The following GLIS1 variants were observed in gnomAD, a reference collection of about 807,000 sequenced individuals.
The protein encoded by GLIS1 is zinc finger protein GLIS1.
A neutral mutation model predicts 63.8 loss-of-function variants in GLIS1; 24 were observed. The ratio of observed to expected loss-of-function variants is 0.38; its 90% CI spans 0.27 to 0.53. GLIS1 has a LOEUF of 0.53. Among genes scored for constraint, GLIS1 ranks in the 20% least tolerant of loss-of-function variants. The pLI is 0.85. For missense variants in GLIS1, 1,036 were observed against 1,074.1 expected, an observed-to-expected ratio of 0.96 and a Z score of 0.50; for synonymous variants, 450 against 482.5, an observed-to-expected ratio of 0.93 and a Z score of 0.88.
At chr1:53,604,062 A>G (rs1339414830) in intron 2 of GLIS1, among the ~76,000 whole-genome samples, 3 of 152,240 alleles carry the variant, frequency 2.0e-5, no homozygotes, top group African/African-American at 7.2e-5. Flanking sequence ...CACCTAACCC[A>G]CAACGTTGAG....
intron 2 of GLIS1, among the ~76,000 whole-genome samples, chr1:53,725,141 G>C (rs1450739508): frequency 2.0e-5 from 3 of 152,170 alleles, no homozygotes; most frequent in African/African-American, 7.2e-5. Context: ...GAGGAAAGTT[G>C]TTGGCCTGTA....
Position 53,520,714 on chromosome 1 carries a change from A to G in GLIS1, c.1646T>C (p.Leu549Pro), listed in dbSNP as rs1173465660. Residue 549 changes from leucine to proline, a missense_variant, in exon 7 of 11, where the codon CTG becomes CCG. By Grantham distance (98) the Leu-to-Pro change is moderately conservative. This residue lies in a region of GLIS1 where 400 missense variants were observed against 400.9 expected (regional missense o/e 1.00). Coordinates refer to ENST00000628545, the MANE Select transcript of GLIS1 (RefSeq NM_001367484.1). Reference protein sequence around the residue: ...EADVLTECLVLQQLHTSTQLA... With the variant: ...EADVLTECLVPQQLHTSTQLA... The stretch of plus-strand genomic sequence containing the variant: ...CTGTGTGGACGTGTGGAGCTGCTGC[A>G]GGACCAGACACTCGGTCAGGACGTC... The G allele has an allele frequency of 6.2e-7, 1 of 1,606,666 alleles. No homozygotes were observed. The highest frequency in any genetic ancestry group is 1.7e-5 in the Admixed American group (1 of 59,250).
chr1:53,609,866 C>T (rs1379051899), intron 2 of GLIS1, among the ~76,000 whole-genome samples: 3 of 152,104 alleles, frequency 2.0e-5, no homozygotes, highest in Non-Finnish European at 4.4e-5. Context: ...TCTGGTATAG[C>T]CTATTGCTCC....
At chr1:53,673,558 G>A (rs922212488) in intron 2 of GLIS1, among the ~76,000 whole-genome samples, 9 of 152,122 alleles carry the variant, frequency 5.9e-5, no homozygotes, top group Admixed American at 3.3e-4. Flanking sequence ...ACTACTCCCC[G>A]AGCTTCTCAT....
At chr1:53,586,703 G>C (rs933241570) in intron 4 of GLIS1, among the ~76,000 whole-genome samples, 7 of 152,182 alleles carry the variant, frequency 4.6e-5, no homozygotes, top group African/African-American at 1.7e-4. Flanking sequence ...TCAAATTCAG[G>C]CTTTCTTGCA....
At chr1:53,619,833 C>G (rs1369390694) in intron 2 of GLIS1, among the ~76,000 whole-genome samples, 2 of 152,198 alleles carry the variant, frequency 1.3e-5, no homozygotes, top group Non-Finnish European at 2.9e-5. Context: ...AAGAGGGAGA[C>G]TGAGGCCCAG....
intron 2 of GLIS1, among the ~76,000 whole-genome samples, chr1:53,697,039 C>A (rs192242171): frequency 0.015 from 2,357 of 152,300 alleles, 59 homozygotes; most frequent in African/African-American, 0.05. Flanking sequence ...TCCATATTCA[C>A]TGGGTGGATT....
intron 2 of GLIS1, among the ~76,000 whole-genome samples, chr1:53,688,268 G>T (rs1646363528): frequency 6.6e-6 from 1 of 152,250 alleles, no homozygotes; most frequent in Non-Finnish European, 1.5e-5. Flanking sequence ...GGCTCATGGG[G>T]GATAAATCCG....
chr1:53,546,479 G>A (rs779464076), intron 4 of GLIS1, among the ~76,000 whole-genome samples: 5 of 152,218 alleles, frequency 3.3e-5, no homozygotes, highest in African/African-American at 4.8e-5. Context: ...CTGCTTACTC[G>A]CCTGTGTCCT....
chr1:53,520,655 G>C lies in GLIS1; in HGVS notation c.1705C>G (p.Leu569Val). ...GTACCTGGGAGCAGCTCCTGGCCCA[G>C]GCCACAGCCACCCTTGCCGTCGCTG... ...AASDGKGGCG[L>V]GQELLPGVYP... The change falls in exon 7 of 11, where the codon CTG (leucine) becomes GTG (valine). Residue 569 changes from leucine (L) to valine (V), a missense_variant. Physicochemically the swap from Leu to Val is conservative, Grantham distance 32. This residue lies in a region of GLIS1 where 400 missense variants were observed against 400.9 expected (regional missense o/e 1.00). Coordinates refer to ENST00000628545, the MANE Select transcript of GLIS1 (RefSeq NM_001367484.1). 1 of 1,610,674 alleles carries C rather than the reference G, an allele frequency of 6.2e-7. No homozygotes were observed. Among genetic ancestry groups the C allele is most frequent in the Non-Finnish European group, 8.5e-7 (1 of 1,178,964 alleles).
intron 2 of GLIS1, among the ~76,000 whole-genome samples, chr1:53,729,367 A>C (rs1219974854): frequency 6.6e-6 from 1 of 152,122 alleles, no homozygotes; most frequent in Non-Finnish European, 1.5e-5. Context: ...AGCGCTCCGT[A>C]AGTACAAATG....
intron 2 of GLIS1, among the ~76,000 whole-genome samples, chr1:53,696,296 T>C (rs1646464281): frequency 6.6e-6 from 1 of 152,248 alleles, no homozygotes. Context: ...AGATCTCTGA[T>C]CAAGCACCAG....
In GLIS1 at chr1:53,598,413, T is replaced by C. The variant is rs538197855; in HGVS notation, c.437+1688A>G. Among the ~76,000 whole-genome samples the C allele has an allele frequency of 6.6e-6, 1 of 152,118 alleles. No individual in the cohort carries two copies. The highest frequency in any genetic ancestry group is 2.1e-4 in the South Asian group (1 of 4,820). The stretch of plus-strand genomic sequence containing the variant: ...AGCCAGGCGTGGTGGCACACGCCTG[T>C]AGTCTCAGCTGCTGGAGTGGCTGAG... On this transcript the variant is annotated intron_variant, in intron 3 of 10. Transcript: ENST00000628545. This position sits in a 1 kb window ranked among gnomAD's most constrained non-coding sequence, Gnocchi z 4.6.
chr1:53,509,052 G>A (rs1644267591), intron 10 of GLIS1, 68 bp downstream of exon 10: 17 of 1,428,902 alleles, frequency 1.2e-5, no homozygotes, highest in Non-Finnish European at 1.6e-5. Flanking sequence ...CAGCACGTAT[G>A]CAGCACCCAG....
At chr1:53,663,885 A>G (rs554512988) in intron 2 of GLIS1, among the ~76,000 whole-genome samples, 4 of 152,336 alleles carry the variant, frequency 2.6e-5, no homozygotes, top group Admixed American at 2.0e-4. Context: ...ACATCCTCAG[A>G]AAAGGCTCCT....
chr1:53,636,563 T>C (rs966036935), intron 2 of GLIS1, among the ~76,000 whole-genome samples: 1 of 152,188 alleles, frequency 6.6e-6, no homozygotes, highest in Non-Finnish European at 1.5e-5. Context: ...ACTGCTCCTA[T>C]TGGACATTCT....
intron 2 of GLIS1, among the ~76,000 whole-genome samples, chr1:53,612,849 C>T (rs1198191302): frequency 3.4e-5 from 5 of 147,484 alleles, no homozygotes; most frequent in African/African-American, 1.0e-4. Context: ...GATGGGGTCT[C>T]GCTCTGTCAC....
chr1:53,582,184 G>A (rs765607494), intron 4 of GLIS1, among the ~76,000 whole-genome samples: 26 of 152,156 alleles, frequency 1.7e-4, no homozygotes, highest in Admixed American at 3.3e-4. Flanking sequence ...CCACAGTCAG[G>A]TGGCTCCATG....
At chr1:53,595,413 G>A (rs533098165) in intron 3 of GLIS1, among the ~76,000 whole-genome samples, 5 of 152,252 alleles carry the variant, frequency 3.3e-5, no homozygotes, top group African/African-American at 9.6e-5. Flanking sequence ...CCAGCTACTC[G>A]GGAGGCTGAG....
Sources: gnomAD v4.1 joint callset for allele counts (sites outside exome capture counted in the v4.1 genomes callset) on GRCh38, gnomAD v4.1.1 for gene constraint, gnomAD v4.1.1 regional missense constraint, Gnocchi (gnomAD v3.1) non-coding constraint, MANE v1.5 for transcripts, NCBI Gene and HGNC (gene_info 2026-07-23, HGNC 2026-07-21) for gene names.